The following MED27 variants were observed in gnomAD, a reference collection of about 807,000 sequenced individuals.
MED27 encodes mediator complex subunit 27.
MED27 carries 30 observed loss-of-function variants against 38.2 expected under a neutral mutation model. The observed-to-expected ratio is 0.79, with a 90% confidence interval of 0.59 to 1.07. The LOEUF is 1.07. MED27 is among the 50% of genes least tolerant of loss of function. The pLI is 0.00. For missense variants in MED27, 289 were observed against 397.5 expected (o/e 0.73, Z 2.32); for synonymous variants, 122 against 153.5 (o/e 0.79, Z 1.52).
chr9:131,880,126 G>C (rs1394862129), intron 6 of MED27, among the ~76,000 whole-genome samples: 1 of 152,180 alleles, frequency 6.6e-6, no homozygotes, highest in East Asian at 1.9e-4. Flanking sequence ...CCCTGGGATG[G>C]AGGCTACACC....
At chr9:132,032,671 C>T (rs1832989492) in intron 2 of MED27, among the ~76,000 whole-genome samples, 1 of 152,120 alleles carries the variant, frequency 6.6e-6, no homozygotes, top group Non-Finnish European at 1.5e-5. Flanking sequence ...TTGACAGGTC[C>T]CAGGAGGCAG....
intron 2 of MED27, among the ~76,000 whole-genome samples, chr9:132,042,113 G>A (rs905472500): frequency 2.0e-5 from 3 of 152,182 alleles, no homozygotes; most frequent in African/African-American, 7.2e-5. Context: ...AAGCACAGAC[G>A]CTGCCAGTCT....
intron 3 of MED27, among the ~76,000 whole-genome samples, chr9:131,963,049 A>C (rs1831250966): frequency 6.6e-6 from 1 of 152,258 alleles, no homozygotes; most frequent in Non-Finnish European, 1.5e-5. Context: ...TAAAAAGCCG[A>C]ACATAAATTT....
intron 4 of MED27, among the ~76,000 whole-genome samples, chr9:131,919,148 C>T (rs921002506): frequency 6.6e-6 from 1 of 152,138 alleles, no homozygotes; most frequent in African/African-American, 2.4e-5. Flanking sequence ...AATGACATTA[C>T]TAGGTTTTAG....
At chr9:131,976,350 G>T (rs896500711) in intron 3 of MED27, among the ~76,000 whole-genome samples, 3 of 152,164 alleles carry the variant, frequency 2.0e-5, no homozygotes, top group African/African-American at 7.2e-5. Flanking sequence ...CAATGCTGGA[G>T]ATTCAATTAT....
At chr9:131,865,592 G>C (rs1048132579) in intron 6 of MED27, among the ~76,000 whole-genome samples, 2 of 152,100 alleles carry the variant, frequency 1.3e-5, no homozygotes, top group African/African-American at 4.8e-5. Flanking sequence ...TGGAATAGCC[G>C]AGGCAGCTGG....
At chr9:131,969,708 C>CA (rs1831434013) in intron 3 of MED27, among the ~76,000 whole-genome samples, 1 of 152,102 alleles carries the variant, frequency 6.6e-6, no homozygotes, top group Non-Finnish European at 1.5e-5. Context: ...ACACACAGAG[C>CA]TCAGAGGCTT....
chr9:131,908,323 A>G lies in MED27; in HGVS notation c.574-14331T>C, dbSNP rs183837509. On this transcript the variant is annotated intron_variant, in intron 4 of 7. Transcript: ENST00000292035. ...GAGGGGCGCCTCTGCCCGGCCGCCCATACTGGGAAATGAGGAGCCCCTCTG... is the reference window on the plus strand; with the variant it reads ...GAGGGGCGCCTCTGCCCGGCCGCCCGTACTGGGAAATGAGGAGCCCCTCTG... Among the ~76,000 whole-genome samples, 10 of 145,290 alleles carry G rather than the reference A, an allele frequency of 6.9e-5. 1 individual carries two copies. The highest frequency in any genetic ancestry group is 6.1e-4 in the Admixed American group (9 of 14,768).
chr9:132,058,311 CTTGAA>C (rs1326860503), intron 2 of MED27, among the ~76,000 whole-genome samples: 1 of 152,174 alleles, frequency 6.6e-6, no homozygotes, highest in East Asian at 1.9e-4. Context: ...CAAATATCAT[CTTGAA>C]TTGTAGTTCC....
chr9:131,904,317 G>A (rs1830010310), intron 4 of MED27, among the ~76,000 whole-genome samples: 1 of 152,116 alleles, frequency 6.6e-6, no homozygotes. Context: ...GGGATTACAG[G>A]TGTGAGCCAC....
At chr9:131,925,331 C>T (rs1045075860) in intron 4 of MED27, among the ~76,000 whole-genome samples, 2 of 152,030 alleles carry the variant, frequency 1.3e-5, no homozygotes, top group Admixed American at 6.6e-5. Flanking sequence ...GCATAATAAC[C>T]GTATCATGGA....
chr9:131,916,070 T>A (rs1213053357), intron 4 of MED27, among the ~76,000 whole-genome samples: 1 of 152,252 alleles, frequency 6.6e-6, no homozygotes, highest in African/African-American at 2.4e-5. Context: ...CATACTAATT[T>A]TTTAATTCAA....
intron 4 of MED27, among the ~76,000 whole-genome samples, chr9:131,919,306 T>G (rs1305948555): frequency 1.3e-5 from 2 of 152,212 alleles, no homozygotes; most frequent in Non-Finnish European, 2.9e-5. Context: ...CAGAACAATT[T>G]GAGGCAGTTC....
intron 4 of MED27, among the ~76,000 whole-genome samples, chr9:131,934,360 A>G (rs535550198): frequency 6.6e-6 from 1 of 152,268 alleles, no homozygotes; most frequent in South Asian, 2.1e-4. Flanking sequence ...TGGATCTGCA[A>G]TATTACTGAA....
At chr9:131,885,385 T>C (rs1839121465) in intron 5 of MED27, among the ~76,000 whole-genome samples, 1 of 152,174 alleles carries the variant, frequency 6.6e-6, no homozygotes, top group Non-Finnish European at 1.5e-5. Flanking sequence ...TTTTTTGATA[T>C]ACAGATTGCT....
At chr9:132,047,879 T>C (rs1215298628) in intron 2 of MED27, among the ~76,000 whole-genome samples, 1 of 152,066 alleles carries the variant, frequency 6.6e-6, no homozygotes, top group Admixed American at 6.6e-5. Context: ...ACGAAAACAT[T>C]TACCTAGAAA....
At position 131,889,141 on chromosome 9, in the gene MED27, C is replaced by T. The variant is rs571372848; in HGVS notation, c.681+4744G>A. Among the ~76,000 whole-genome samples, 3 of 152,292 alleles carry T rather than the reference C, an allele frequency of 2.0e-5. No homozygotes were observed. The highest frequency in any genetic ancestry group is 4.1e-4 in the South Asian group (2 of 4,828). On this transcript the variant is annotated intron_variant, in intron 5 of 7. Transcript: ENST00000292035. This position sits in a 1 kb window ranked among gnomAD's most constrained non-coding sequence, Gnocchi z 4.2. ...CAACACTTATTAGAGAAATCAGATT[C>T]AGCTCCCCACCCCCTCGACCCACAT...
intron 5 of MED27, among the ~76,000 whole-genome samples, chr9:131,891,783 G>C (rs541522893): frequency 3.3e-5 from 5 of 152,258 alleles, no homozygotes; most frequent in African/African-American, 1.2e-4. Context: ...AGCAAGACTG[G>C]AGACTAGAAG....
chr9:131,970,279 C>T (rs1446871039), intron 3 of MED27, among the ~76,000 whole-genome samples: 3 of 152,340 alleles, frequency 2.0e-5, no homozygotes, highest in Non-Finnish European at 4.4e-5. Flanking sequence ...GCCGGCGGGA[C>T]GCCCGGAGTG....
Sources: allele counts gnomAD v4.1 joint callset (sites outside exome capture counted in the v4.1 genomes callset), GRCh38; gene constraint gnomAD v4.1.1; non-coding constraint Gnocchi (gnomAD v3.1); transcripts MANE v1.5; gene names NCBI Gene and HGNC (gene_info 2026-07-23, HGNC 2026-07-21).